Variants in ACCSL observed in about 807,000 individuals in gnomAD.
ACCSL encodes 1-aminocyclopropane-1-carboxylate synthase homolog (inactive) like.
In ACCSL, 55 loss-of-function variants were observed where a neutral mutation model predicts 61.7. The observed-to-expected ratio is 0.89, with a 90% CI of 0.72 to 1.12. The LOEUF is 1.12. Among genes scored for constraint, ACCSL ranks in the 50% most tolerant of loss-of-function variants. ACCSL has a pLI of 0.00. For missense variants in ACCSL, 632 were observed against 698.0 expected (o/e 0.91, Z 1.07); for synonymous variants, 258 against 264.3 (o/e 0.98, Z 0.23).
chr11:44,038,272 A>G, the ACCSL span, among the ~76,000 whole-genome samples: 2 of 152,148 alleles, frequency 1.3e-5, no homozygotes, highest in Non-Finnish European at 2.9e-5. Context: ...CCAAGCAGGT[A>G]TCTGAGGACA....
chr11:44,045,111 G>GA, upstream of ACCSL, among the ~76,000 whole-genome samples: 1 of 152,234 alleles, frequency 6.6e-6, no homozygotes, highest in Non-Finnish European at 1.5e-5. Context: ...GTTTACTCCT[G>GA]GCCTTGCTGC....
chr11:43,946,777 G>T, the ACCSL span, among the ~76,000 whole-genome samples: 2 of 152,256 alleles, frequency 1.3e-5, no homozygotes, highest in African/African-American at 2.4e-5. Context: ...AGTTCTAAGG[G>T]TTGATGTGGA....
At chr11:43,992,879 T>C in the ACCSL span, among the ~76,000 whole-genome samples, 1 of 152,370 alleles carries the variant, frequency 6.6e-6, no homozygotes, top group Non-Finnish European at 1.5e-5. Flanking sequence ...GGTCTGCATG[T>C]GGCTTTCCTC....
chr11:44,029,504 G>A, the ACCSL span, among the ~76,000 whole-genome samples: 1 of 152,218 alleles, frequency 6.6e-6, no homozygotes, highest in Non-Finnish European at 1.5e-5. Context: ...AGTCATTATT[G>A]CTGAATGAAT....
intron 8 of ACCSL, among the ~76,000 whole-genome samples, chr11:44,054,255 T>C (rs1388750939): frequency 6.6e-6 from 1 of 152,112 alleles, no homozygotes; most frequent in Non-Finnish European, 1.5e-5. Context: ...CCATTTTCCA[T>C]AAGAAACAGA....
chr11:44,031,081 G>C, the ACCSL span, among the ~76,000 whole-genome samples: 1 of 152,176 alleles, frequency 6.6e-6, no homozygotes, highest in Non-Finnish European at 1.5e-5. Flanking sequence ...CCTTGTGTTA[G>C]CTGTGTGACC....
the ACCSL span, among the ~76,000 whole-genome samples, chr11:43,966,552 T>C: frequency 6.6e-6 from 1 of 151,758 alleles, no homozygotes; most frequent in African/African-American, 2.4e-5. Context: ...AAGAGTCTAG[T>C]ATTTAGAATA....
At chr11:44,030,274 C>A in the ACCSL span, among the ~76,000 whole-genome samples, 1 of 151,164 alleles carries the variant, frequency 6.6e-6, no homozygotes, top group Non-Finnish European at 1.5e-5. Flanking sequence ...TGACCCATTT[C>A]TTTCTCCCCT....
At chr11:43,949,773 C>G in the ACCSL span, among the ~76,000 whole-genome samples, 1 of 152,142 alleles carries the variant, frequency 6.6e-6, no homozygotes, top group Non-Finnish European at 1.5e-5. Flanking sequence ...CAAGATCGCA[C>G]CACTGCACTC....
At chr11:44,012,267 T>A in the ACCSL span, among the ~76,000 whole-genome samples, 31 of 152,218 alleles carry the variant, frequency 2.0e-4, no homozygotes, top group African/African-American at 7.0e-4. Flanking sequence ...TATACTCTTC[T>A]TGGGAATATC....
At chr11:43,970,091 G>C in the ACCSL span, among the ~76,000 whole-genome samples, 6 of 152,124 alleles carry the variant, frequency 3.9e-5, no homozygotes, top group African/African-American at 1.4e-4. Context: ...CGATGCAGAA[G>C]AATTGCTTGG....
chr11:43,994,365 A>T, the ACCSL span, among the ~76,000 whole-genome samples: 7 of 152,216 alleles, frequency 4.6e-5, no homozygotes, highest in African/African-American at 1.7e-4. Context: ...GTTCATGGAA[A>T]TTCTGCAAAT....
the ACCSL span, among the ~76,000 whole-genome samples, chr11:43,977,180 T>A: frequency 1.3e-5 from 2 of 152,168 alleles, no homozygotes; most frequent in African/African-American, 4.8e-5. Flanking sequence ...GCTTGCTGCC[T>A]CTCTGAGTGT....
At chr11:44,019,060 G>A in the ACCSL span, among the ~76,000 whole-genome samples, 658 of 152,266 alleles carry the variant, frequency 4.3e-3, 1 homozygote, top group African/African-American at 0.015. Context: ...ACAATGTGTG[G>A]TCTTTTGTGG....
chr11:44,039,416 C>T, the ACCSL span, among the ~76,000 whole-genome samples: 1 of 152,140 alleles, frequency 6.6e-6, no homozygotes, highest in East Asian at 1.9e-4. Flanking sequence ...GAAAACCAAA[C>T]ATTGTATGTT....
the ACCSL span, among the ~76,000 whole-genome samples, chr11:43,979,083 G>T: frequency 6.6e-6 from 1 of 152,096 alleles, no homozygotes; most frequent in Non-Finnish European, 1.5e-5. Context: ...GTTCTGGGAG[G>T]ATTTTTATGC....
chr11:44,053,626 G>C, intron 8 of ACCSL, 120 bp downstream of exon 8: 3 of 881,628 alleles, frequency 3.4e-6, no homozygotes, highest in Non-Finnish European at 5.3e-6. Context: ...ACTTTGGGAG[G>C]CCGAGAAGGT....
the ACCSL span, among the ~76,000 whole-genome samples, chr11:43,941,209 G>A: frequency 6.6e-6 from 1 of 152,234 alleles, no homozygotes; most frequent in South Asian, 2.1e-4. Flanking sequence ...CGTGCTCTAA[G>A]CATCTCACCA....
At chr11:44,051,511 G>A in intron 4 of ACCSL, 107 bp downstream of exon 4, 1 of 1,543,622 alleles carries the variant, frequency 6.5e-7, no homozygotes, top group Non-Finnish European at 9.0e-7. Context: ...AGACTCTCAG[G>A]GCCAGGGCAG....
Sources: allele counts gnomAD v4.1 joint callset (sites outside exome capture counted in the v4.1 genomes callset), GRCh38; gene constraint gnomAD v4.1.1; transcripts MANE v1.5; gene names NCBI Gene and HGNC (gene_info 2026-07-23, HGNC 2026-07-21).